The following EEFSEC variants were observed in gnomAD, a reference collection of about 807,000 sequenced individuals.
EEFSEC encodes the protein selenocysteine-specific elongation factor.
EEFSEC carries 43 observed loss-of-function variants against 42.1 expected under a neutral mutation model. The ratio of observed to expected loss-of-function variants is 1.02; its 90% CI spans 0.80 to 1.32. The LOEUF is 1.32. Among genes scored for constraint, EEFSEC ranks in the 40% most tolerant of loss-of-function variants. The pLI is 0.00. For missense variants in EEFSEC, 745 were observed against 803.6 expected (o/e 0.93, Z 0.88); for synonymous variants, 354 against 339.1 (o/e 1.04, Z -0.48).
intron 6 of EEFSEC, among the ~76,000 whole-genome samples, chr3:128,374,626 GA>G (rs1225790708): frequency 2.0e-5 from 3 of 152,122 alleles, no homozygotes; most frequent in African/African-American, 7.2e-5. Flanking sequence ...AAATTTCACT[GA>G]GACGTGATTT....
intron 5 of EEFSEC, among the ~76,000 whole-genome samples, chr3:128,344,302 C>T (rs552086277): frequency 2.8e-4 from 43 of 152,298 alleles, no homozygotes; most frequent in Non-Finnish European, 5.4e-4. Context: ...ATTTTGAAAC[C>T]GTTTAATAAC....
chr3:128,259,193 G>C (rs1342724655), intron 2 of EEFSEC, among the ~76,000 whole-genome samples: 2 of 152,198 alleles, frequency 1.3e-5, no homozygotes, highest in African/African-American at 4.8e-5. Flanking sequence ...TGTGTTGCAT[G>C]CTAGACTATA....
intron 1 of EEFSEC, among the ~76,000 whole-genome samples, chr3:128,172,894 A>G (rs1163919956): frequency 6.6e-6 from 1 of 152,262 alleles, no homozygotes; most frequent in East Asian, 1.9e-4. Context: ...TTAGCCCTGT[A>G]TGAAATCAGA....
chr3:128,342,793 G>A (rs1428621487), intron 5 of EEFSEC, among the ~76,000 whole-genome samples: 3 of 152,230 alleles, frequency 2.0e-5, no homozygotes, highest in Non-Finnish European at 4.4e-5. Flanking sequence ...GACAGAACAC[G>A]GTGGTCTCCC....
At chr3:128,327,091 C>G (rs1178748851) in intron 4 of EEFSEC, among the ~76,000 whole-genome samples, 1 of 152,224 alleles carries the variant, frequency 6.6e-6, no homozygotes, top group Non-Finnish European at 1.5e-5. Flanking sequence ...CCTGCCCCCA[C>G]GTGTGCTCAT....
intron 5 of EEFSEC, among the ~76,000 whole-genome samples, chr3:128,347,020 G>A (rs1318233831): frequency 2.6e-5 from 4 of 152,176 alleles, no homozygotes; most frequent in Non-Finnish European, 5.9e-5. Context: ...TAGGGCTCTT[G>A]AAATAGAATG....
chr3:128,330,780 CTTCCTCAGTGCATCTCCCCTCTTCCCCA>C (rs2067119360), intron 4 of EEFSEC, among the ~76,000 whole-genome samples: 2 of 143,214 alleles, frequency 1.4e-5, no homozygotes, highest in Non-Finnish European at 3.1e-5. Flanking sequence ...CCTCTTCCCC[CTTCCTCAGTGCATCTCCCCTCTTCCCCA>C]TTCCTCAGTG....
chr3:128,188,801 G>T (rs1380669955), intron 1 of EEFSEC, among the ~76,000 whole-genome samples: 1 of 152,154 alleles, frequency 6.6e-6, no homozygotes, highest in African/African-American at 2.4e-5. Context: ...CTGCCTGGGA[G>T]CCCTGTGCCT....
At chr3:128,359,252 C>T (rs2067495890) in intron 6 of EEFSEC, among the ~76,000 whole-genome samples, 1 of 152,110 alleles carries the variant, frequency 6.6e-6, no homozygotes, top group Non-Finnish European at 1.5e-5. Flanking sequence ...GCTTCAAGTG[C>T]ATTTGCAGGT....
intron 4 of EEFSEC, among the ~76,000 whole-genome samples, chr3:128,304,505 C>T (rs1454051539): frequency 6.6e-6 from 1 of 152,030 alleles, no homozygotes; most frequent in East Asian, 1.9e-4. Context: ...CCAAAACAGA[C>T]TTCGGTATTG....
intron 5 of EEFSEC, among the ~76,000 whole-genome samples, chr3:128,343,094 A>G (rs2067273878): frequency 2.0e-5 from 3 of 152,168 alleles, no homozygotes; most frequent in Non-Finnish European, 4.4e-5. Context: ...GAGGCTTTCA[A>G]CAAGGGCCTC....
intron 1 of EEFSEC, among the ~76,000 whole-genome samples, chr3:128,187,952 A>C (rs2065481503): frequency 6.6e-6 from 1 of 152,234 alleles, no homozygotes; most frequent in Non-Finnish European, 1.5e-5. Context: ...ATTGGTCACA[A>C]GTGTAAGCAG....
chr3:128,193,524 A>G (rs954640740), intron 1 of EEFSEC, among the ~76,000 whole-genome samples: 6 of 152,186 alleles, frequency 3.9e-5, no homozygotes, highest in Non-Finnish European at 7.4e-5. Flanking sequence ...TTCCCTTCAG[A>G]TGATCATTTG....
chr3:128,261,647 G>A (rs930330365), intron 2 of EEFSEC, among the ~76,000 whole-genome samples: 6 of 150,114 alleles, frequency 4.0e-5, no homozygotes, highest in African/African-American at 9.8e-5. Flanking sequence ...TTAAAGATGC[G>A]GGGGCTTTGC....
chr3:128,351,020 C>G (rs773726117), intron 5 of EEFSEC, among the ~76,000 whole-genome samples: 5 of 152,186 alleles, frequency 3.3e-5, no homozygotes, highest in Non-Finnish European at 7.3e-5. Flanking sequence ...TTAAGGGACT[C>G]ATCCATGATC....
At chr3:128,374,693 A>C (rs2067690601) in intron 6 of EEFSEC, among the ~76,000 whole-genome samples, 1 of 152,214 alleles carries the variant, frequency 6.6e-6, no homozygotes, top group African/African-American at 2.4e-5. Flanking sequence ...AAAAATGAAA[A>C]ACAATAATAT....
chr3:128,347,170 CTG>C (rs1415745106), intron 5 of EEFSEC, among the ~76,000 whole-genome samples: 1 of 151,940 alleles, frequency 6.6e-6, no homozygotes, highest in Non-Finnish European at 1.5e-5. Context: ...ACTTTATGTG[CTG>C]TGTTTTTTAT....
intron 4 of EEFSEC, among the ~76,000 whole-genome samples, chr3:128,297,230 G>A (rs1011138060): frequency 2.6e-5 from 4 of 152,020 alleles, no homozygotes; most frequent in Non-Finnish European, 5.9e-5. Context: ...CCCAAGGGAG[G>A]ACAGCTTGTG....
intron 6 of EEFSEC, 69 bp downstream of exon 6, chr3:128,358,442 C>T: frequency 1.3e-6 from 2 of 1,574,722 alleles, no homozygotes; most frequent in Admixed American, 3.5e-5. Context: ...AGAGGTGATG[C>T]CAAGGTGGCG....
Sources: allele counts gnomAD v4.1 joint callset (sites outside exome capture counted in the v4.1 genomes callset), GRCh38; gene constraint gnomAD v4.1.1; transcripts MANE v1.5; gene names NCBI Gene and HGNC (gene_info 2026-07-23, HGNC 2026-07-21).